The following COMMD6 variants were observed in gnomAD, a reference collection of about 807,000 sequenced individuals.
COMMD6 encodes COMM domain-containing protein 6.
Under a neutral mutation model 13.4 loss-of-function variants are expected in COMMD6, and 11 were observed. The ratio of observed to expected loss-of-function variants is 0.82; its 90% CI spans 0.52 to 1.36. The LOEUF is 1.36. Among genes scored for constraint, COMMD6 ranks in the 40% most tolerant of loss-of-function variants. The pLI is 0.00. For synonymous variants in COMMD6, 43 were observed against 36.5 expected (o/e 1.18, Z -0.64); for missense variants, 124 against 102.4 (o/e 1.21, Z -0.91).
chr13:75,542,922 T>C (rs2030848997), upstream of COMMD6, among the ~76,000 whole-genome samples: 1 of 152,128 alleles, frequency 6.6e-6, no homozygotes, highest in African/African-American at 2.4e-5. Context: ...AGCAAAGACA[T>C]GGAATCAACC....
rs530731480 is a variant in COMMD6, at chr13:75,528,094, T to A, written c.208-1455A>T. On this transcript the variant is annotated intron_variant, in intron 3 of 3. Transcript: ENST00000682242. The stretch of plus-strand genomic sequence containing the variant: ...AACTGTGTGGGGGTGGATGTGTTAA[T>A]TAGAGTGACTGTGGTAATCTTTACA... Among the ~76,000 whole-genome samples, 22 of 151,606 alleles carry A rather than the reference T, an allele frequency of 1.5e-4. No individual in the cohort carries two copies. The East Asian group carries it at 3.9e-3, about 27-fold the overall frequency.
chr13:75,540,344 C>CCCACACA (rs372640334), upstream of COMMD6, among the ~76,000 whole-genome samples: 41 of 147,380 alleles, frequency 2.8e-4, no homozygotes, highest in East Asian at 1.6e-3. Flanking sequence ...ACACACACAC[C>CCCACACA]CACACACACA....
intron 1 of COMMD6, among the ~76,000 whole-genome samples, chr13:75,548,440 T>G (rs1479016620): frequency 2.6e-5 from 4 of 152,334 alleles, no homozygotes; most frequent in African/African-American, 9.6e-5. Flanking sequence ...TCTGACTCCC[T>G]AACTGCTCTC....
Position 75,525,964 on chromosome 13 carries a change from C to G in COMMD6, c.*625G>C, listed in dbSNP as rs2030234405. ...CGGGTTAACTCCGTCGTACAGAACT[C>G]AGACTAAAACTCGTCTTTCCAACTC... On this transcript the variant is annotated 3_prime_UTR_variant, in exon 4 of 4. Coordinates refer to ENST00000682242, the MANE Select transcript of COMMD6 (RefSeq NM_203495.4). 2 of 152,220 alleles carry G rather than the reference C, an allele frequency of 1.3e-5. No homozygotes were observed. The highest frequency in any genetic ancestry group is 2.9e-5 in the Non-Finnish European group (2 of 68,038). 9.4% of individuals were successfully genotyped at this position (152,220 alleles called of 1,614,324 possible). A position where few individuals can be genotyped will look rare whatever the true frequency, so the allele number is the denominator to read the frequency against.
chr13:75,537,811 G>T lies in COMMD6; in HGVS notation c.-6C>A, dbSNP rs762834106. ...GGCTCGCTGGACGCCTCCATGGGCAGCGTCTGGGACTTGCGGCCCGGACTC... is the reference window on the plus strand; with the variant it reads ...GGCTCGCTGGACGCCTCCATGGGCATCGTCTGGGACTTGCGGCCCGGACTC... On this transcript the variant is annotated 5_prime_UTR_variant, in exon 1 of 4. In the 5' UTR this introduces an upstream ATG that the reference lacks. Coordinates refer to ENST00000682242, the MANE Select transcript of COMMD6 (RefSeq NM_203495.4). 1.9e-6 allele frequency: 3 copies of T among 1,600,690 alleles called. No homozygotes were observed. The highest frequency in any genetic ancestry group is 2.6e-6 in the Non-Finnish European group (3 of 1,171,436).
chr13:75,538,196 G>A (rs1331386823), upstream of COMMD6, among the ~76,000 whole-genome samples: 1 of 152,188 alleles, frequency 6.6e-6, no homozygotes, highest in African/African-American at 2.4e-5. Context: ...CCGCACCCCC[G>A]GCACATGGGA....
rs1313367889 is a variant in COMMD6, at chr13:75,525,871, A to T, written c.*718T>A. 1 of 152,262 alleles carries T rather than the reference A, an allele frequency of 6.6e-6. No homozygotes were observed. The highest frequency in any genetic ancestry group is 2.4e-5 in the African/African-American group (1 of 41,468). 9.4% of individuals were successfully genotyped at this position (152,262 alleles called of 1,614,324 possible). ...ACAATGTGGTGGCTTTATAGTATAA[A>T]AGCGTTTAACAACAGGTTTATGTAT... On this transcript the variant is annotated 3_prime_UTR_variant, in exon 4 of 4. Coordinates refer to ENST00000682242, the MANE Select transcript of COMMD6 (RefSeq NM_203495.4).
At chr13:75,527,949 ATATTGT>A (rs2030321892) in intron 3 of COMMD6, 1 of 1,297,582 alleles carries the variant, frequency 7.7e-7, no homozygotes, top group Non-Finnish European at 1.0e-6. Context: ...GACTACAGTA[ATATTGT>A]TATTGTTTAC....
chr13:75,530,038 A>G, intron 3 of COMMD6, 76 bp downstream of exon 3: 1 of 1,205,726 alleles, frequency 8.3e-7, no homozygotes. Context: ...GTTTTCCCGT[A>G]GAAAGATTTT....
chr13:75,544,811 G>A (rs908074404), intron 1 of COMMD6, among the ~76,000 whole-genome samples: 2 of 150,526 alleles, frequency 1.3e-5, no homozygotes, highest in South Asian at 2.1e-4. Flanking sequence ...GGTGGTGCAC[G>A]TCTGTTTGGG....
intron 1 of COMMD6, among the ~76,000 whole-genome samples, chr13:75,547,773 A>G (rs2030929277): frequency 6.6e-6 from 1 of 152,228 alleles, no homozygotes; most frequent in Non-Finnish European, 1.5e-5. Context: ...GGGGTGTGCT[A>G]GGACAACCTC....
At chr13:75,529,609 G>C (rs923220516) in intron 3 of COMMD6, 2 of 151,628 alleles carry the variant, frequency 1.3e-5, no homozygotes, top group African/African-American at 4.9e-5. Context: ...ACAGAAAAGA[G>C]GTAGAATGAT....
upstream of COMMD6, among the ~76,000 whole-genome samples, chr13:75,541,846 T>C (rs1299630243): frequency 6.6e-6 from 1 of 152,194 alleles, no homozygotes; most frequent in East Asian, 1.9e-4. Flanking sequence ...TATGTTACTT[T>C]CTAATCCCCA....
intron 2 of COMMD6, among the ~76,000 whole-genome samples, chr13:75,533,576 A>G (rs995193087): frequency 1.4e-4 from 22 of 151,918 alleles, no homozygotes; most frequent in African/African-American, 5.1e-4. Context: ...ATCTGAAAAA[A>G]AAAAAAAAAA....
chr13:75,537,365 C>G, intron 2 of COMMD6: 1 of 1,550,846 alleles, frequency 6.4e-7, no homozygotes, highest in Non-Finnish European at 8.7e-7. Flanking sequence ...ACTTCTTTAT[C>G]CAACACTTTA....
rs1256389136 is a variant in COMMD6 at position 75,537,837 on chromosome 13, G to A, written c.-32C>T. The A allele has an allele frequency of 6.4e-7, 1 of 1,573,576 alleles. No individual in the cohort carries two copies. Among genetic ancestry groups the A allele is most frequent in the Non-Finnish European group, 8.6e-7 (1 of 1,157,868 alleles). ...CGTCTGGGACTTGCGGCCCGGACTCGAGAGAACGCCCCCAGACCAGCGCTT... is the reference window on the plus strand; with the variant it reads ...CGTCTGGGACTTGCGGCCCGGACTCAAGAGAACGCCCCCAGACCAGCGCTT... On this transcript the variant is annotated 5_prime_UTR_variant, in exon 1 of 4. Transcript: ENST00000682242.
At position 75,526,631 on chromosome 13, in the gene COMMD6, G is replaced by A. The variant is rs751916636; in HGVS notation, c.216C>T (p.Tyr72=). 10 of 1,602,498 alleles carry A rather than the reference G, an allele frequency of 6.2e-6. No individual in the cohort carries two copies. In the South Asian group the frequency reaches 9.0e-5, roughly 14 times the overall value. Residue 72 remains tyrosine (Y), a synonymous_variant, in exon 4 of 4, where the codon TAC becomes TAT. Transcript: ENST00000682242. ...CTGCAGCAATTTCCTTGAACTGTCT[G>A]TAGAAATTCTGGAGAGAAAGGGGGA... ...EMTIPQFQNF[Y]RQFKEIAAVI...
upstream of COMMD6, among the ~76,000 whole-genome samples, chr13:75,542,174 G>C (rs1016321013): frequency 6.6e-6 from 1 of 152,178 alleles, no homozygotes; most frequent in African/African-American, 2.4e-5. Context: ...CTTTGTGCAA[G>C]GTTGTGGTAT....
chr13:75,548,672 G>A lies in COMMD6; in HGVS notation n.106+651C>T, dbSNP rs189897718. On this transcript the variant is annotated intron_variant and non_coding_transcript_variant, in intron 1 of 2. Coordinates refer to the COMMD6 transcript ENST00000460675. ...TGACAAGTGATGTTTCTGCATATCT[G>A]ATCATCCCATTTATTCTTCAGATGT... 1.8e-4 allele frequency among the ~76,000 whole-genome samples: 27 copies of A among 152,178 alleles called. 1 individual carries two copies. The highest frequency in any genetic ancestry group is 3.4e-4 in the Non-Finnish European group (23 of 68,016).
Sources: gnomAD v4.1 joint callset for allele counts (sites outside exome capture counted in the v4.1 genomes callset) on GRCh38, gnomAD v4.1.1 for gene constraint, MANE v1.5 for transcripts, NCBI Gene and HGNC (gene_info 2026-07-23, HGNC 2026-07-21) for gene names.